The following FBXO21 variants were observed in gnomAD, a reference collection of about 807,000 sequenced individuals.
FBXO21 encodes the protein F-box protein 21.
In FBXO21, 32 loss-of-function variants were observed where a neutral mutation model predicts 76.6. The ratio of observed to expected loss-of-function variants is 0.42; its 90% CI spans 0.32 to 0.56. The LOEUF is 0.56. Ranked by LOEUF, FBXO21 falls within the 20% of genes least tolerant of loss-of-function variation. The pLI is 0.16. For synonymous variants in FBXO21, 328 were observed against 311.5 expected (o/e 1.05, Z -0.56); for missense variants, 586 against 797.3 (o/e 0.73, Z 3.19).
chr12:117,180,663 G>A (rs10850792), intron 3 of FBXO21, among the ~76,000 whole-genome samples: 30,166 of 151,344 alleles, frequency 0.2, 3,358 homozygotes, highest in East Asian at 0.43. Flanking sequence ...GTCTCGCTCT[G>A]TCGCCAGGCT....
At chr12:117,189,100 A>C in intron 2 of FBXO21, 127 bp downstream of exon 2, 1 of 1,036,454 alleles carries the variant, frequency 9.6e-7, no homozygotes. Context: ...GCAGCCATCT[A>C]AGTGAGTAAG....
In FBXO21 at chr12:117,145,205, A is replaced by G. The variant is rs1955755193; in HGVS notation, c.*882T>C. The G allele has an allele frequency of 6.6e-6, 1 of 152,128 alleles. No individual in the cohort carries two copies. The highest frequency in any genetic ancestry group is 2.1e-4 in the South Asian group (1 of 4,808). 9.4% of individuals were successfully genotyped at this position (152,128 alleles called of 1,614,324 possible). A position where few individuals can be genotyped will look rare whatever the true frequency, so the allele number is the denominator to read the frequency against. On this transcript the variant is annotated 3_prime_UTR_variant, in exon 12 of 12. Coordinates refer to ENST00000622495, the MANE Select transcript of FBXO21 (RefSeq NM_015002.3). ...ACATCAGATTTGTATGTCTCACTAC[A>G]AAAAGAACCCATCACTGATGTAAGA...
intron 7 of FBXO21, among the ~76,000 whole-genome samples, chr12:117,171,107 T>C (rs1294389413): frequency 6.6e-6 from 1 of 151,982 alleles, no homozygotes; most frequent in Non-Finnish European, 1.5e-5. Flanking sequence ...CTCACGCCTG[T>C]AATCCCAGCA....
chr12:117,180,538 A>G (rs935665852), intron 3 of FBXO21, among the ~76,000 whole-genome samples: 3 of 152,190 alleles, frequency 2.0e-5, no homozygotes, highest in Non-Finnish European at 4.4e-5. Context: ...TAAAATTAGA[A>G]TATCACATCG....
chr12:117,165,412 T>C, intron 9 of FBXO21, 73 bp downstream of exon 9: 1 of 1,420,736 alleles, frequency 7.0e-7, no homozygotes, highest in Non-Finnish European at 9.6e-7. Flanking sequence ...AAAGATAAGC[T>C]TGTCACGGGC....
At chr12:117,179,488 A>G (rs951992947) in intron 3 of FBXO21, among the ~76,000 whole-genome samples, 2 of 152,098 alleles carry the variant, frequency 1.3e-5, no homozygotes, top group African/African-American at 4.8e-5. Flanking sequence ...TTGTTGAAGA[A>G]CCTGGGTTGT....
chr12:117,153,365 T>G (rs368876639), intron 11 of FBXO21, among the ~76,000 whole-genome samples: 1 of 152,018 alleles, frequency 6.6e-6, no homozygotes, highest in Non-Finnish European at 1.5e-5. Flanking sequence ...GCACAATGAG[T>G]TCATGTTTTT....
intron 1 of FBXO21, among the ~76,000 whole-genome samples, chr12:117,189,928 G>A (rs1956327317): frequency 1.3e-5 from 2 of 152,276 alleles, no homozygotes; most frequent in African/African-American, 4.8e-5. Flanking sequence ...CCGAAGTCGG[G>A]CACAAAAGAA....
Position 117,177,524 on chromosome 12 carries a change from A to G in FBXO21, c.588T>C (p.Leu196=). Reference sequence around the variant, plus strand: ...CATATATGGGAAAAGACCCACCTTCAAGATACGACTCATAGTCATCTGGCT... The same window carrying G: ...CATATATGGGAAAAGACCCACCTTCGAGATACGACTCATAGTCATCTGGCT... ...LQQPDDYESY[L]EGAVYIDQYC... Residue 196 remains leucine (L), a synonymous_variant, in exon 4 of 12, where the codon CTT becomes CTC. Coordinates refer to ENST00000622495, the MANE Select transcript of FBXO21 (RefSeq NM_015002.3). The G allele has an allele frequency of 6.8e-6, 11 of 1,612,522 alleles. No individual in the cohort carries two copies. The highest frequency in any genetic ancestry group is 9.3e-6 in the Non-Finnish European group (11 of 1,179,290).
chr12:117,145,650 A>G lies in FBXO21; in HGVS notation c.*437T>C, dbSNP rs1955761242. Reference sequence around the variant, plus strand: ...ACACACAGTCCTCACTCGGGACCGAACACGTTCCACAGAGAAATCAGAAGG... The same window carrying G: ...ACACACAGTCCTCACTCGGGACCGAGCACGTTCCACAGAGAAATCAGAAGG... On this transcript the variant is annotated 3_prime_UTR_variant, in exon 12 of 12. Transcript: ENST00000622495. The G allele has an allele frequency of 6.5e-6, 1 of 153,736 alleles. No homozygotes were observed. The highest frequency in any genetic ancestry group is 1.4e-5 in the Non-Finnish European group (1 of 69,070). 9.5% of individuals were successfully genotyped at this position (153,736 alleles called of 1,614,324 possible). A position where few individuals can be genotyped will look rare whatever the true frequency, so the allele number is the denominator to read the frequency against.
At chr12:117,168,019 T>G (rs1296184451) in intron 7 of FBXO21, among the ~76,000 whole-genome samples, 1 of 152,182 alleles carries the variant, frequency 6.6e-6, no homozygotes, top group Admixed American at 6.5e-5. Context: ...TGATGCAAGC[T>G]CTCACTGAAC....
chr12:117,171,426 G>A (rs1328610184), intron 7 of FBXO21, among the ~76,000 whole-genome samples: 1 of 150,654 alleles, frequency 6.6e-6, no homozygotes, highest in African/African-American at 2.4e-5. Flanking sequence ...CTGGAGAGGA[G>A]AAAGGGATGA....
At chr12:117,155,723 C>G in intron 11 of FBXO21, 68 bp downstream of exon 11, 9 of 1,512,160 alleles carry the variant, frequency 6.0e-6, no homozygotes, top group South Asian at 1.2e-5. Context: ...AGTACCTACC[C>G]GAGGGCTCAA....
chr12:117,185,045 GA>G (rs1956269228), intron 3 of FBXO21, among the ~76,000 whole-genome samples: 1 of 151,984 alleles, frequency 6.6e-6, no homozygotes, highest in Non-Finnish European at 1.5e-5. Context: ...GAGGAAAAAG[GA>G]AACAGCATAA....
At chr12:117,157,237 T>G (rs1022458089) in intron 10 of FBXO21, among the ~76,000 whole-genome samples, 2 of 150,238 alleles carry the variant, frequency 1.3e-5, no homozygotes, top group Admixed American at 1.3e-4. Context: ...GAATAGGCGC[T>G]TAATAAAAGG....
At chr12:117,173,682 A>C (rs1406256525) in intron 6 of FBXO21, among the ~76,000 whole-genome samples, 1 of 152,198 alleles carries the variant, frequency 6.6e-6, no homozygotes, top group African/African-American at 2.4e-5. Context: ...TTTTAGTCAA[A>C]AATTTATCTC....
At chr12:117,146,313 A>C in intron 11 of FBXO21, 36 bp from the exon 12 acceptor site, 1 of 1,538,264 alleles carries the variant, frequency 6.5e-7, no homozygotes, top group Non-Finnish European at 8.8e-7. Flanking sequence ...TTCTCATTAC[A>C]ATGTCCATTG....
At chr12:117,162,324 A>G (rs1955989159) in intron 9 of FBXO21, among the ~76,000 whole-genome samples, 1 of 152,192 alleles carries the variant, frequency 6.6e-6, no homozygotes, top group Non-Finnish European at 1.5e-5. Context: ...GGCCCACTGT[A>G]CCACGGGATG....
At chr12:117,157,074 C>A (rs922050572) in intron 10 of FBXO21, among the ~76,000 whole-genome samples, 7 of 151,548 alleles carry the variant, frequency 4.6e-5, no homozygotes, top group African/African-American at 1.7e-4. Flanking sequence ...TCCCAGCTAC[C>A]TGGGAGGCTG....
Sources: gnomAD v4.1 joint callset for allele counts (sites outside exome capture counted in the v4.1 genomes callset) on GRCh38, gnomAD v4.1.1 for gene constraint, MANE v1.5 for transcripts, NCBI Gene and HGNC (gene_info 2026-07-23, HGNC 2026-07-21) for gene names.